SGCE: variants seen among roughly 807,000 people sequenced by gnomAD.
The protein encoded by SGCE is epsilon-sarcoglycan.
In SGCE, 26 loss-of-function variants were observed where a neutral mutation model predicts 57.8. That is an observed-to-expected ratio of 0.45 (90% confidence interval 0.33 to 0.62). The LOEUF (loss-of-function observed/expected upper bound fraction) is 0.62. Ranked by LOEUF, SGCE falls within the 20% of genes least tolerant of loss-of-function variation. SGCE has a pLI of 0.02. For synonymous variants in SGCE, 183 were observed against 189.5 expected, an observed-to-expected ratio of 0.97 and a Z score of 0.28; for missense variants, 468 against 548.6, an observed-to-expected ratio of 0.85 and a Z score of 1.47.
intron 1 of SGCE, among the ~76,000 whole-genome samples, chr7:94,652,392 T>C (rs1808028826): frequency 6.6e-6 from 1 of 152,172 alleles, no homozygotes; most frequent in South Asian, 2.1e-4. Context: ...TTGGAGAAAA[T>C]GTGATCTATA....
chr7:94,644,605 C>A, intron 1 of SGCE: 2 of 1,266,282 alleles, frequency 1.6e-6, no homozygotes, highest in Non-Finnish European at 2.1e-6. Context: ...ATCATACTCA[C>A]CTTAAAAGCA....
chr7:94,603,152 T>C (rs572675959), intron 6 of SGCE, 138 bp downstream of exon 6: 4 of 657,748 alleles, frequency 6.1e-6, no homozygotes, highest in African/African-American at 5.5e-5. Flanking sequence ...GCTTACCAGA[T>C]CCTTAATCTC....
chr7:94,591,100 G>T (rs1348470620), intron 9 of SGCE, among the ~76,000 whole-genome samples: 1 of 152,090 alleles, frequency 6.6e-6, no homozygotes, highest in African/African-American at 2.4e-5. Context: ...GTAGGCTAGA[G>T]GAGTATTTCT....
At chr7:94,604,967 G>T (rs528307649) in intron 5 of SGCE, among the ~76,000 whole-genome samples, 6 of 150,892 alleles carry the variant, frequency 4.0e-5, no homozygotes, top group African/African-American at 1.2e-4. Flanking sequence ...CTGAGGCATA[G>T]GTTCACTAAA....
At chr7:94,595,463 T>C (rs1458175794) in intron 9 of SGCE, among the ~76,000 whole-genome samples, 1 of 152,186 alleles carries the variant, frequency 6.6e-6, no homozygotes, top group African/African-American at 2.4e-5. Flanking sequence ...TTATGAATGA[T>C]AAATTCAGTA....
At chr7:94,646,195 T>G (rs1807045523) in intron 1 of SGCE, among the ~76,000 whole-genome samples, 1 of 152,204 alleles carries the variant, frequency 6.6e-6, no homozygotes, top group South Asian at 2.1e-4. Context: ...ACATCGATAT[T>G]TATATTCTGA....
chr7:94,600,751 C>T lies in SGCE; in HGVS notation c.932G>A (p.Arg311Lys). The T allele has an allele frequency of 1.2e-6, 2 of 1,613,794 alleles. No homozygotes were observed. The highest frequency in any genetic ancestry group is 1.7e-6 in the Non-Finnish European group (2 of 1,179,832). ...AATTAGGAAATCCGTGTAATAGTCT[C>T]TGCTTTTCAAAGAATCAGAAGGGGG... ...YKPPSDSLKS[R>K]DYYTDFLITL... The change falls in exon 7 of 11, where the codon AGA becomes AAA. Residue 311 changes from arginine to lysine, a missense_variant. Coordinates refer to ENST00000648936, the MANE Select transcript of SGCE (RefSeq NM_003919.3).
At chr7:94,649,528 C>T (rs546587566) in intron 1 of SGCE, among the ~76,000 whole-genome samples, 37 of 152,286 alleles carry the variant, frequency 2.4e-4, no homozygotes, top group African/African-American at 8.7e-4. Flanking sequence ...CGTTGACAAG[C>T]CAGAAACTCA....
chr7:94,652,295 A>C (rs1808015333), intron 1 of SGCE, among the ~76,000 whole-genome samples: 1 of 152,166 alleles, frequency 6.6e-6, no homozygotes, highest in African/African-American at 2.4e-5. Context: ...TGTTTACAGA[A>C]TATGGAAGGG....
intron 9 of SGCE, among the ~76,000 whole-genome samples, chr7:94,591,105 A>G (rs1797620623): frequency 6.6e-6 from 1 of 152,176 alleles, no homozygotes; most frequent in Non-Finnish European, 1.5e-5. Context: ...CTAGAGGAGT[A>G]TTTCTTTTTT....
intron 3 of SGCE, chr7:94,625,527 C>G (rs1011016743): frequency 6.6e-6 from 1 of 152,016 alleles, no homozygotes; most frequent in Non-Finnish European, 1.5e-5. Flanking sequence ...AGTAGTCATT[C>G]TGGATTTGGT....
intron 9 of SGCE, 196 bp from the exon 10 acceptor site, chr7:94,588,928 A>T (rs1797272604): frequency 1.7e-6 from 1 of 603,020 alleles, no homozygotes. Context: ...ACAATATTTG[A>T]TAACATGCAT....
In SGCE at chr7:94,618,807, G is replaced by A; in HGVS notation, c.613C>T (p.Leu205=). 6.2e-7 allele frequency: 1 copy of A among 1,614,030 alleles called. No homozygotes were observed. The highest frequency in any genetic ancestry group is 8.5e-7 in the Non-Finnish European group (1 of 1,179,972). The change falls in exon 5 of 11, where the codon CTA becomes TTA. Residue 205 remains leucine (L), a synonymous_variant. Coordinates refer to ENST00000648936, the MANE Select transcript of SGCE (RefSeq NM_003919.3). The part of the protein sequence containing the change: ...RLNAINITSA[L]DRGGRVPLPI... ...AGTGGCACCCTGCCACCCCTGTCTAGGGCCGATGTGATGTTTATGGCGTTC... is the reference window on the plus strand; with the variant it reads ...AGTGGCACCCTGCCACCCCTGTCTAAGGCCGATGTGATGTTTATGGCGTTC...
chr7:94,651,276 T>C (rs560459911), intron 1 of SGCE, among the ~76,000 whole-genome samples: 1 of 152,354 alleles, frequency 6.6e-6, no homozygotes, highest in Admixed American at 6.5e-5. Flanking sequence ...CTCTAAATTG[T>C]TACCTATTTC....
At chr7:94,644,118 CA>C (rs1446416068) in intron 1 of SGCE, among the ~76,000 whole-genome samples, 2 of 152,200 alleles carry the variant, frequency 1.3e-5, no homozygotes, top group African/African-American at 4.8e-5. Context: ...AACAAAACAT[CA>C]TATGCATCTT....
intron 1 of SGCE, among the ~76,000 whole-genome samples, chr7:94,640,697 G>A (rs1287375281): frequency 6.6e-6 from 1 of 152,040 alleles, no homozygotes; most frequent in African/African-American, 2.4e-5. Flanking sequence ...GCCCAGTCTG[G>A]TGTGCAGTGG....
At chr7:94,629,916 G>A in intron 1 of SGCE, 75 bp from the exon 2 acceptor site, 1 of 1,563,730 alleles carries the variant, frequency 6.4e-7, no homozygotes, top group East Asian at 2.3e-5. Context: ...AGCTTACGCT[G>A]TTTATAAAGA....
chr7:94,618,580 A>T, intron 5 of SGCE, 178 bp downstream of exon 5: 1 of 583,524 alleles, frequency 1.7e-6, no homozygotes, highest in Non-Finnish European at 3.0e-6. Context: ...GATATAAAAA[A>T]CCACTAACAC....
At chr7:94,604,338 T>C (rs1280465945) in intron 5 of SGCE, among the ~76,000 whole-genome samples, 1 of 152,032 alleles carries the variant, frequency 6.6e-6, no homozygotes, top group Non-Finnish European at 1.5e-5. Flanking sequence ...ATCAAAATTC[T>C]AGCTGCCTTC....
Sources: gnomAD v4.1 joint callset for allele counts (sites outside exome capture counted in the v4.1 genomes callset) on GRCh38, gnomAD v4.1.1 for gene constraint, MANE v1.5 for transcripts, NCBI Gene and HGNC (gene_info 2026-07-23, HGNC 2026-07-21) for gene names.